Variants in FAM228B observed in about 807,000 individuals in gnomAD.
The protein encoded by FAM228B is family with sequence similarity 228 member B.
In FAM228B, 38 loss-of-function variants were observed where a neutral mutation model predicts 42.6. That is an observed-to-expected ratio of 0.89 (90% CI 0.69 to 1.17). FAM228B has a LOEUF of 1.17. Ranked by LOEUF, FAM228B falls within the 50% of genes most tolerant of loss-of-function variation. The pLI, the probability that FAM228B is intolerant of heterozygous loss-of-function variation, is 0.00. For synonymous variants in FAM228B, 109 were observed against 122.3 expected (o/e 0.89, Z 0.72); for missense variants, 344 against 367.3 (o/e 0.94, Z 0.52).
chr2:24,115,370 A>C (rs1293409073), intron 3 of FAM228B: 2 of 558,198 alleles, frequency 3.6e-6, no homozygotes, highest in African/African-American at 3.8e-5. Flanking sequence ...CTCTCATTCC[A>C]TGCCGATGAC....
chr2:24,080,782 C>T lies in FAM228B; in HGVS notation c.-289-94C>T. 1.2e-6 allele frequency: 2 copies of T among 1,610,822 alleles called. No homozygotes were observed. The highest frequency in any genetic ancestry group is 1.7e-6 in the Non-Finnish European group (2 of 1,177,444). On this transcript the variant is annotated intron_variant, in intron 1 of 10. Coordinates refer to the FAM228B transcript ENST00000613899. This position sits in a 1 kb window ranked among gnomAD's most constrained non-coding sequence, Gnocchi z 4.7. ...TGGTGGGGCTTTTATTTAATCATCT[C>T]TTAAATTCCTGCTGAACTGTAGAAG...
chr2:24,082,417 C>G (rs934857960), intron 2 of FAM228B, among the ~76,000 whole-genome samples: 1 of 152,218 alleles, frequency 6.6e-6, no homozygotes, highest in African/African-American at 2.4e-5. Flanking sequence ...CTATCATAGA[C>G]AGGGCTATCC....
chr2:24,146,367 TGTTA>T (rs1666895490), intron 5 of FAM228B, among the ~76,000 whole-genome samples: 1 of 152,212 alleles, frequency 6.6e-6, no homozygotes, highest in Non-Finnish European at 1.5e-5. Context: ...TTTTGAGTAA[TGTTA>T]GTTATGTTGT....
At chr2:24,108,900 CAAAA>C (rs138273554) in intron 3 of FAM228B, among the ~76,000 whole-genome samples, 2 of 79,878 alleles carry the variant, frequency 2.5e-5, no homozygotes, top group Non-Finnish European at 5.0e-5. Context: ...GAGTCCGTCT[CAAAA>C]AAAAAAAAAA....
intron 5 of FAM228B, among the ~76,000 whole-genome samples, chr2:24,145,608 C>T (rs987553812): frequency 6.6e-6 from 1 of 152,158 alleles, no homozygotes; most frequent in African/African-American, 2.4e-5. Flanking sequence ...AATAACTCTC[C>T]AGCAGCAGAG....
At chr2:24,076,910 C>T in exon 1 of FAM228B, 1 of 138,768 alleles carries the variant, frequency 7.2e-6, no homozygotes, top group Non-Finnish European at 1.5e-5. Flanking sequence ...TGGGGTGGGG[C>T]CCAGGTGAGT....
At chr2:24,138,168 ATCAT>A (rs1343567162) in intron 4 of FAM228B, 68 bp downstream of exon 4, 3 of 1,234,412 alleles carry the variant, frequency 2.4e-6, no homozygotes, top group Admixed American at 2.7e-5. Flanking sequence ...TTCATTTATA[ATCAT>A]TCAGTCAGTC....
intron 2 of FAM228B, among the ~76,000 whole-genome samples, chr2:24,090,612 C>T (rs1005973114): frequency 6.6e-6 from 1 of 150,550 alleles, no homozygotes; most frequent in Non-Finnish European, 1.5e-5. Flanking sequence ...AACTTATATT[C>T]CCTATGATTA....
intron 7 of FAM228B, among the ~76,000 whole-genome samples, chr2:24,155,350 A>T (rs1475189785): frequency 6.6e-6 from 1 of 151,070 alleles, no homozygotes; most frequent in Non-Finnish European, 1.5e-5. Context: ...TCCTTTTTAG[A>T]TGATTGTCAG....
intron 2 of FAM228B, among the ~76,000 whole-genome samples, chr2:24,082,254 G>A (rs764051427): frequency 2.0e-5 from 3 of 152,188 alleles, no homozygotes; most frequent in African/African-American, 4.8e-5. Context: ...AAAGTGCTAC[G>A]ATTATAGGTG....
chr2:24,163,607 C>G (rs1267351580), intron 8 of FAM228B, among the ~76,000 whole-genome samples: 4 of 152,164 alleles, frequency 2.6e-5, no homozygotes, highest in African/African-American at 7.2e-5. Flanking sequence ...ACCAGAGTCT[C>G]AAATAGACCT....
chr2:24,089,242 C>T (rs532412474), intron 2 of FAM228B, among the ~76,000 whole-genome samples: 1 of 151,918 alleles, frequency 6.6e-6, no homozygotes, highest in South Asian at 2.1e-4. Flanking sequence ...CCAGCTTGTT[C>T]TTTATAAAAA....
chr2:24,113,699 A>G (rs987311925), intron 3 of FAM228B, among the ~76,000 whole-genome samples: 3 of 152,194 alleles, frequency 2.0e-5, no homozygotes, highest in African/African-American at 7.2e-5. Flanking sequence ...CAACATGGCA[A>G]AACCCCGTCT....
chr2:24,151,260 T>C (rs112305794), intron 7 of FAM228B, among the ~76,000 whole-genome samples: 4,651 of 152,222 alleles, frequency 0.031, 133 homozygotes, highest in Non-Finnish European at 0.043. Context: ...TTTTCAACTA[T>C]AGAATTTCTG....
intron 7 of FAM228B, among the ~76,000 whole-genome samples, chr2:24,157,393 T>C (rs1326414063): frequency 1.3e-5 from 2 of 152,164 alleles, no homozygotes; most frequent in Non-Finnish European, 2.9e-5. Context: ...TTCAATTTTA[T>C]AGCAGTATTT....
In FAM228B at chr2:24,124,431, T is replaced by A; in HGVS notation, c.70T>A (p.Leu24Met). ...CAAGCTCAAGAGCTCAAAAGAATGG[T>A]TGGAGCCCAAGCCCCTTTGTTTTAT... Reference protein sequence around the residue: ...LPKLKSSKEWLEPKPLCFMEV... With the variant: ...LPKLKSSKEWMEPKPLCFMEV... Residue 24 changes from leucine to methionine, a missense_variant, in exon 2 of 11, where the codon TTG becomes ATG. By Grantham distance (15) the Leu-to-Met change is conservative. Coordinates refer to ENST00000615575, the MANE Select transcript of FAM228B (RefSeq NM_001145710.2). The A allele has an allele frequency of 1.9e-6, 3 of 1,551,810 alleles. No homozygotes were observed. The highest frequency in any genetic ancestry group is 2.6e-6 in the Non-Finnish European group (3 of 1,146,946).
In FAM228B at chr2:24,116,876, C is replaced by G. The variant is rs1176673488; in HGVS notation, c.-120-18243C>G. ...TGGCTGATAGAATGAAACTGTGTCT[C>G]AAAAAAAAAAAAGAAAAAGAAAAAC... On this transcript the variant is annotated intron_variant, in intron 3 of 10. Transcript: ENST00000613899. 6.2e-5 allele frequency among the ~76,000 whole-genome samples: 7 copies of G among 113,632 alleles called. No individual in the cohort carries two copies. The East Asian group carries it at 1.7e-3, about 27-fold the overall frequency. The allele number at this position is 113,632 out of a possible 152,430, so 74.5% of individuals were successfully genotyped here.
chr2:24,135,245 TA>T (rs1666552253), intron 3 of FAM228B, 58 bp downstream of exon 3: 2 of 947,024 alleles, frequency 2.1e-6, no homozygotes, highest in Non-Finnish European at 3.2e-6. Context: ...TTTTCCTTTT[TA>T]TATGTAGCAT....
At chr2:24,087,361 T>A (rs538155968) in intron 2 of FAM228B, 2 of 152,314 alleles carry the variant, frequency 1.3e-5, no homozygotes, top group East Asian at 3.9e-4. Flanking sequence ...ATTATAGGCA[T>A]GAGCCACTCT....
Sources: allele counts gnomAD v4.1 joint callset (sites outside exome capture counted in the v4.1 genomes callset), GRCh38; gene constraint gnomAD v4.1.1; non-coding constraint Gnocchi (gnomAD v3.1); transcripts MANE v1.5; gene names NCBI Gene and HGNC (gene_info 2026-07-23, HGNC 2026-07-21).